Variants in SAMTOR observed in about 807,000 individuals in gnomAD.
SAMTOR encodes UPF0532 protein C7orf60.
the SAMTOR span, among the ~76,000 whole-genome samples, chr7:112,848,688 G>A: frequency 6.6e-6 from 1 of 152,190 alleles, no homozygotes; most frequent in South Asian, 2.1e-4. Context: ...AACTGAAAAG[G>A]TGTATGTTTC....
chr7:112,852,726 A>C, the SAMTOR span, among the ~76,000 whole-genome samples: 2 of 152,160 alleles, frequency 1.3e-5, no homozygotes, highest in Non-Finnish European at 2.9e-5. Flanking sequence ...ATCACTCTCT[A>C]GTAAATTAGG....
chr7:112,878,434 G>T, the SAMTOR span, among the ~76,000 whole-genome samples: 349 of 152,252 alleles, frequency 2.3e-3, 1 homozygote, highest in African/African-American at 8.2e-3. Flanking sequence ...CCAACTCTAT[G>T]AAAGGGCTTC....
At chr7:112,833,635 A>G in the SAMTOR span, among the ~76,000 whole-genome samples, 10 of 152,264 alleles carry the variant, frequency 6.6e-5, no homozygotes, top group African/African-American at 2.4e-4. Context: ...CATTTCTGAG[A>G]GTCTTAAAAA....
chr7:112,874,174 A>G, the SAMTOR span, among the ~76,000 whole-genome samples: 19 of 152,148 alleles, frequency 1.2e-4, no homozygotes, highest in Non-Finnish European at 2.6e-4. Flanking sequence ...CTACCATTTG[A>G]CCCATCAATC....
chr7:112,939,561 C>G, the SAMTOR span: 4 of 1,613,764 alleles, frequency 2.5e-6, no homozygotes, highest in Admixed American at 6.7e-5. Context: ...TGAGGCCTCC[C>G]CTTCCTCCCT....
the SAMTOR span, among the ~76,000 whole-genome samples, chr7:112,882,713 CCAA>C: frequency 6.7e-5 from 10 of 148,308 alleles, no homozygotes; most frequent in Middle Eastern, 3.6e-3. Context: ...AACCAACCAA[CCAA>C]CAACAACAAA....
chr7:112,873,778 G>A, the SAMTOR span, among the ~76,000 whole-genome samples: 1 of 152,038 alleles, frequency 6.6e-6, no homozygotes, highest in Admixed American at 6.6e-5. Context: ...AGACAACCTA[G>A]AGAATAGGAG....
the SAMTOR span, among the ~76,000 whole-genome samples, chr7:112,898,253 T>C: frequency 3.3e-5 from 5 of 152,156 alleles, no homozygotes; most frequent in South Asian, 8.3e-4. Context: ...ACTGTAGTCT[T>C]TGGGTGAGCC....
At chr7:112,921,932 G>C in the SAMTOR span, among the ~76,000 whole-genome samples, 1 of 144,438 alleles carries the variant, frequency 6.9e-6, no homozygotes, top group Non-Finnish European at 1.5e-5. Flanking sequence ...TAAAAAGTCA[G>C]GAAAGCCCCT....
the SAMTOR span, among the ~76,000 whole-genome samples, chr7:112,851,394 T>A: frequency 6.6e-6 from 1 of 152,030 alleles, no homozygotes; most frequent in Non-Finnish European, 1.5e-5. Flanking sequence ...TAAAGCTACA[T>A]ACCTACAACC....
chr7:112,829,764 C>T, the SAMTOR span, among the ~76,000 whole-genome samples: 1 of 152,158 alleles, frequency 6.6e-6, no homozygotes, highest in Non-Finnish European at 1.5e-5. Flanking sequence ...GCAAATTATT[C>T]TCCATTATTG....
the SAMTOR span, among the ~76,000 whole-genome samples, chr7:112,914,447 T>C: frequency 6.6e-6 from 1 of 152,088 alleles, no homozygotes; most frequent in African/African-American, 2.4e-5. Context: ...AATATACTTA[T>C]CCTTTCTTAT....
the SAMTOR span, among the ~76,000 whole-genome samples, chr7:112,874,399 C>T: frequency 6.6e-6 from 1 of 152,080 alleles, no homozygotes; most frequent in Non-Finnish European, 1.5e-5. Flanking sequence ...CAACATGATG[C>T]AGCTGGAGGC....
At chr7:112,880,036 A>T in the SAMTOR span, among the ~76,000 whole-genome samples, 1 of 152,212 alleles carries the variant, frequency 6.6e-6, no homozygotes, top group Non-Finnish European at 1.5e-5. Flanking sequence ...GGTTAACAGA[A>T]TAAATTTTTT....
At chr7:112,840,288 C>T in the SAMTOR span, among the ~76,000 whole-genome samples, 1 of 151,870 alleles carries the variant, frequency 6.6e-6, no homozygotes, top group African/African-American at 2.4e-5. Context: ...CCTTTGTCTT[C>T]ACCCAGACCA....
At chr7:112,897,338 T>C in the SAMTOR span, among the ~76,000 whole-genome samples, 3 of 152,192 alleles carry the variant, frequency 2.0e-5, no homozygotes, top group Non-Finnish European at 2.9e-5. Flanking sequence ...CTGATAAAAA[T>C]GTAGACTTTA....
the SAMTOR span, among the ~76,000 whole-genome samples, chr7:112,837,571 GA>G: frequency 3.3e-5 from 5 of 151,928 alleles, no homozygotes; most frequent in Non-Finnish European, 5.9e-5. Context: ...CTATGTGGTA[GA>G]AAAAAATTCA....
At chr7:112,895,319 C>T in the SAMTOR span, among the ~76,000 whole-genome samples, 5 of 151,782 alleles carry the variant, frequency 3.3e-5, no homozygotes, top group African/African-American at 7.2e-5. Context: ...ATTATATAAT[C>T]GTATTTAATG....
the SAMTOR span, among the ~76,000 whole-genome samples, chr7:112,919,026 T>C: frequency 1.3e-5 from 2 of 152,146 alleles, no homozygotes; most frequent in African/African-American, 4.8e-5. Context: ...ACTGTCAACA[T>C]TAAACAGATC....
Sources: allele counts gnomAD v4.1 joint callset (sites outside exome capture counted in the v4.1 genomes callset), GRCh38; gene constraint gnomAD v4.1.1; transcripts MANE v1.5; gene names NCBI Gene and HGNC (gene_info 2026-07-23, HGNC 2026-07-21).